The following VCL variants were observed in gnomAD, a reference collection of about 807,000 sequenced individuals.
VCL encodes vinculin.
Under a neutral mutation model 125.7 loss-of-function variants are expected in VCL, and 47 were observed. The observed-to-expected ratio is 0.37, with a 90% CI of 0.30 to 0.48. The LOEUF (loss-of-function observed/expected upper bound fraction) is 0.48. VCL is among the 20% of genes least tolerant of loss of function. VCL has a pLI of 0.99. For missense variants in VCL, 1,069 were observed against 1,455.5 expected (o/e 0.73, Z 4.32); for synonymous variants, 458 against 514.6 (o/e 0.89, Z 1.49).
At chr10:74,102,934 T>G (rs1221264519) in intron 14 of VCL, among the ~76,000 whole-genome samples, 1 of 152,094 alleles carries the variant, frequency 6.6e-6, no homozygotes, top group Non-Finnish European at 1.5e-5. Flanking sequence ...TGGCATGATC[T>G]TGGCTCACTG....
chr10:74,063,873 T>A (rs1841519723), intron 2 of VCL: 1 of 151,370 alleles, frequency 6.6e-6, no homozygotes, highest in African/African-American at 2.4e-5. Flanking sequence ...GATGTATGGC[T>A]TTTTTTTTCC....
chr10:74,043,249 A>G, intron 2 of VCL, 96 bp downstream of exon 2: 2 of 1,125,092 alleles, frequency 1.8e-6, no homozygotes, highest in South Asian at 1.4e-5. Flanking sequence ...TTTTTGGTAT[A>G]AAACTTTTGT....
intron 4 of VCL, among the ~76,000 whole-genome samples, chr10:74,072,019 C>T (rs2136273444): frequency 6.6e-6 from 1 of 152,328 alleles, no homozygotes; most frequent in African/African-American, 2.4e-5. Context: ...AGCCCCACCT[C>T]TGCTTCTCTT....
chr10:74,015,219 T>C (rs759921275), intron 1 of VCL, among the ~76,000 whole-genome samples: 10 of 152,220 alleles, frequency 6.6e-5, no homozygotes, highest in Non-Finnish European at 1.0e-4. Flanking sequence ...CTTAAATTAA[T>C]TAGCATTTCT....
At chr10:74,054,329 T>C (rs964714177) in intron 2 of VCL, among the ~76,000 whole-genome samples, 7 of 152,228 alleles carry the variant, frequency 4.6e-5, no homozygotes, top group African/African-American at 1.7e-4. Flanking sequence ...TGGTTACAAG[T>C]TTGTGATTCT....
intron 8 of VCL, among the ~76,000 whole-genome samples, chr10:74,084,176 A>C (rs1839728882): frequency 6.6e-6 from 1 of 151,884 alleles, no homozygotes; most frequent in Non-Finnish European, 1.5e-5. Context: ...CACCTGGCTA[A>C]TTTTTGTATT....
In VCL at chr10:74,097,345, G is replaced by A. The variant is rs1353324687; in HGVS notation, c.1872+13G>A. ...TAACAGGGAAGAGGTGGGTATCTGA[G>A]GTCTTCCATTTTTCTGTCAGCCTGT... On this transcript the variant is annotated intron_variant, in intron 13 of 21. Transcript: ENST00000211998. This position sits in a 1 kb window ranked among gnomAD's most constrained non-coding sequence, Gnocchi z 4.1. 6.2e-7 allele frequency: 1 copy of A among 1,611,852 alleles called. No homozygotes were observed. The highest frequency in any genetic ancestry group is 8.5e-7 in the Non-Finnish European group (1 of 1,179,414).
chr10:74,108,748 G>T (rs1840175659), intron 17 of VCL, among the ~76,000 whole-genome samples: 1 of 152,184 alleles, frequency 6.6e-6, no homozygotes, highest in South Asian at 2.1e-4. Flanking sequence ...CCAAAGTGCT[G>T]GGATTATAGG....
At position 74,094,300 on chromosome 10, in the gene VCL, C is replaced by A. The variant is rs886038800; in HGVS notation, c.1382C>A (p.Ala461Asp). ...QGKGDSPEAR[A>D]LAKQVATALQ... ...AAAGGAGATTCTCCAGAGGCTCGAG[C>A]CTTGGCCAAACAGGTGGCCACGGCC... The change falls in exon 11 of 22, where the codon GCC becomes GAC. Residue 461 changes from alanine (A) to aspartate (D), a missense_variant. Ala to Asp is a moderately radical substitution (Grantham distance 126). Transcript: ENST00000211998. 6.2e-7 allele frequency: 1 copy of A among 1,614,144 alleles called. No individual in the cohort carries two copies. The highest frequency in any genetic ancestry group is 8.5e-7 in the Non-Finnish European group (1 of 1,180,024).
At chr10:74,022,604 ATAAATAAG>A (rs1199099587) in intron 1 of VCL, among the ~76,000 whole-genome samples, 12,049 of 40,286 alleles carry the variant, frequency 0.3, 1,334 homozygotes, top group African/African-American at 0.5. Flanking sequence ...AAATAAATAA[ATAAATAAG>A]TAAATAAAAC....
At chr10:74,016,956 T>C (rs1044825971) in intron 1 of VCL, 5 of 152,156 alleles carry the variant, frequency 3.3e-5, no homozygotes, top group African/African-American at 1.2e-4. Context: ...TGAAATCATA[T>C]AGTATTTGTC....
intron 1 of VCL, among the ~76,000 whole-genome samples, chr10:74,028,396 T>C (rs911764689): frequency 1.1e-4 from 16 of 147,636 alleles, no homozygotes; most frequent in African/African-American, 4.0e-4. Context: ...AAGTAATCTT[T>C]TTTTTTTTTT....
At chr10:74,010,359 A>G (rs1565632460) in intron 1 of VCL, among the ~76,000 whole-genome samples, 1 of 152,246 alleles carries the variant, frequency 6.6e-6, no homozygotes, top group Non-Finnish European at 1.5e-5. Context: ...AAATAATACT[A>G]TTGAACAGTA....
intron 1 of VCL, among the ~76,000 whole-genome samples, chr10:74,007,050 C>T (rs550046382): frequency 1.6e-4 from 25 of 152,228 alleles, no homozygotes; most frequent in African/African-American, 5.5e-4. Flanking sequence ...ACTGTAGCGT[C>T]GACCTACTGG....
intron 21 of VCL, among the ~76,000 whole-genome samples, chr10:74,116,198 C>T (rs921209671): frequency 1.3e-5 from 2 of 152,180 alleles, no homozygotes; most frequent in Non-Finnish European, 2.9e-5. Context: ...CACTGGGGCA[C>T]TTTAGAGGAA....
At chr10:74,000,259 C>CTTTT (rs34197555) in intron 1 of VCL, among the ~76,000 whole-genome samples, 13 of 114,808 alleles carry the variant, frequency 1.1e-4, no homozygotes, top group Non-Finnish European at 1.9e-4. Context: ...TTGTATTTTG[C>CTTTT]TTTTTTTTTT....
chr10:74,086,304 G>A (rs1839770103), intron 8 of VCL, among the ~76,000 whole-genome samples: 1 of 152,206 alleles, frequency 6.6e-6, no homozygotes, highest in Non-Finnish European at 1.5e-5. Flanking sequence ...AATTTCTAGA[G>A]GTTCCTGGAT....
chr10:74,037,604 A>C (rs193248339), intron 1 of VCL, among the ~76,000 whole-genome samples: 11 of 152,260 alleles, frequency 7.2e-5, no homozygotes, highest in Admixed American at 6.5e-4. Context: ...TTCTAGCCTC[A>C]TTTCCTCTGC....
In VCL at chr10:74,082,492, C is replaced by T; in HGVS notation, c.822C>T (p.Asp274=). 1 of 1,614,162 alleles carries T rather than the reference C, an allele frequency of 6.2e-7. No individual in the cohort carries two copies. The highest frequency in any genetic ancestry group is 8.5e-7 in the Non-Finnish European group (1 of 1,180,024). Residue 274 remains aspartate (D), a synonymous_variant, in exon 7 of 22, where the codon GAC becomes GAT. Transcript: ENST00000211998. The part of the protein sequence containing the change: ...EAMKRALASI[D]SKLNQAKGWL... ...TGAAGAGAGCATTGGCCTCCATAGA[C>T]TCCAAACTGAACCAGGCCAAAGGTT... is the stretch of plus-strand genomic sequence containing the variant.
Sources: gnomAD v4.1 joint callset for allele counts (sites outside exome capture counted in the v4.1 genomes callset) on GRCh38, gnomAD v4.1.1 for gene constraint, Gnocchi (gnomAD v3.1) non-coding constraint, MANE v1.5 for transcripts, NCBI Gene and HGNC (gene_info 2026-07-23, HGNC 2026-07-21) for gene names.